LRRC53: variants seen among roughly 807,000 people sequenced by gnomAD.
The protein encoded by LRRC53 is leucine-rich repeat-containing protein 53.
A neutral mutation model predicts 13.6 loss-of-function variants in LRRC53; 25 were observed. The observed-to-expected ratio is 1.83, with a 90% CI of 1.34 to 2.56. LRRC53 has a LOEUF of 2.56. Among genes scored for constraint, LRRC53 ranks in the 30% most tolerant of loss-of-function variants. The pLI is 0.00. For missense variants in LRRC53, 527 were observed against 275.8 expected (o/e 1.91, Z -6.45); for synonymous variants, 204 against 109.8 (o/e 1.86, Z -5.37).
intron 1 of LRRC53, among the ~76,000 whole-genome samples, chr1:74,508,346 G>C (rs987453939): frequency 1.1e-4 from 17 of 152,144 alleles, no homozygotes; most frequent in Admixed American, 4.6e-4. Context: ...CCAGATAACA[G>C]GCTATGGTAC....
chr1:74,511,381 T>G (rs1453055646), intron 1 of LRRC53, among the ~76,000 whole-genome samples: 1 of 152,050 alleles, frequency 6.6e-6, no homozygotes, highest in Non-Finnish European at 1.5e-5. Context: ...TTAGTAGAGA[T>G]AGGGTTTTGC....
chr1:74,505,873 A>C (rs1258706160), intron 1 of LRRC53, among the ~76,000 whole-genome samples: 1 of 152,246 alleles, frequency 6.6e-6, no homozygotes, highest in Non-Finnish European at 1.5e-5. Context: ...AACATTTTTT[A>C]TTAATGTGCA....
At chr1:74,512,304 T>C (rs573896110) in intron 1 of LRRC53, among the ~76,000 whole-genome samples, 3 of 152,284 alleles carry the variant, frequency 2.0e-5, no homozygotes, top group African/African-American at 7.2e-5. Flanking sequence ...AGCTCCACCT[T>C]GAACCCAAGA....
chr1:74,523,512 TA>T, the LRRC53 span, among the ~76,000 whole-genome samples: 56,167 of 151,424 alleles, frequency 0.37, 11,111 homozygotes, highest in East Asian at 0.64. Context: ...GAGACTCACT[TA>T]AAAAAAAAGG....
chr1:74,502,194 T>A (rs1036829222), intron 1 of LRRC53, among the ~76,000 whole-genome samples: 2 of 152,176 alleles, frequency 1.3e-5, no homozygotes, highest in Admixed American at 6.5e-5. Context: ...TCTTTTATAT[T>A]CATACCCATA....
upstream of LRRC53, among the ~76,000 whole-genome samples, chr1:74,517,358 T>G (rs934808917): frequency 6.6e-6 from 1 of 152,206 alleles, no homozygotes; most frequent in African/African-American, 2.4e-5. Context: ...CCTAAGGAAC[T>G]TAATTAGTAT....
intron 4 of LRRC53, 140 bp from the exon 5 acceptor site, chr1:74,472,341 C>A (rs1462985948): frequency 1.7e-6 from 1 of 591,876 alleles, no homozygotes; most frequent in Non-Finnish European, 3.0e-6. Context: ...TAATTTGTAA[C>A]CAAACCTACA....
chr1:74,518,107 C>T, the LRRC53 span, among the ~76,000 whole-genome samples: 3 of 152,026 alleles, frequency 2.0e-5, no homozygotes, highest in Non-Finnish European at 2.9e-5. Flanking sequence ...GATGGTGGAC[C>T]AGGAGGTTCC....
the LRRC53 span, among the ~76,000 whole-genome samples, chr1:74,518,295 G>T: frequency 6.6e-6 from 1 of 152,126 alleles, no homozygotes; most frequent in African/African-American, 2.4e-5. Context: ...AAATTGAAAG[G>T]AGTTCTTCTT....
intron 1 of LRRC53, among the ~76,000 whole-genome samples, chr1:74,498,243 A>C (rs550662869): frequency 1.3e-5 from 2 of 152,264 alleles, no homozygotes; most frequent in Admixed American, 6.5e-5. Flanking sequence ...AGTTTTTTTA[A>C]CCTTGACATC....
chr1:74,534,155 A>G, the LRRC53 span, among the ~76,000 whole-genome samples: 16 of 152,316 alleles, frequency 1.1e-4, no homozygotes, highest in African/African-American at 2.4e-4. Flanking sequence ...TTATTATATC[A>G]TAGTAGAACG....
chr1:74,520,336 C>T, the LRRC53 span, among the ~76,000 whole-genome samples: 11 of 152,178 alleles, frequency 7.2e-5, no homozygotes, highest in African/African-American at 7.2e-5. Flanking sequence ...ACCTCGCTTC[C>T]GACTTTTCTG....
intron 1 of LRRC53, among the ~76,000 whole-genome samples, chr1:74,491,800 A>T (rs1669091335): frequency 6.6e-6 from 1 of 152,196 alleles, no homozygotes; most frequent in Non-Finnish European, 1.5e-5. Flanking sequence ...TTGATCATTG[A>T]ATAATAACCT....
intron 3 of LRRC53, among the ~76,000 whole-genome samples, chr1:74,476,825 G>A (rs1293149285): frequency 6.6e-6 from 1 of 152,082 alleles, no homozygotes. Flanking sequence ...CAATATTAAT[G>A]AAAACATATT....
intron 1 of LRRC53, among the ~76,000 whole-genome samples, chr1:74,500,993 T>G (rs190332093): frequency 1.3e-5 from 2 of 152,318 alleles, no homozygotes; most frequent in Admixed American, 1.3e-4. Flanking sequence ...TTTCCAGAAT[T>G]TGAAAATTGA....
intron 1 of LRRC53, among the ~76,000 whole-genome samples, chr1:74,508,040 T>C (rs1444515454): frequency 6.6e-6 from 1 of 152,220 alleles, no homozygotes; most frequent in Non-Finnish European, 1.5e-5. Context: ...GCAATGTGAT[T>C]GTATACAATG....
At chr1:74,527,077 T>C in the LRRC53 span, among the ~76,000 whole-genome samples, 1 of 152,190 alleles carries the variant, frequency 6.6e-6, no homozygotes, top group Non-Finnish European at 1.5e-5. Flanking sequence ...TTTGTTCAAG[T>C]CACGTAGCCC....
At chr1:74,504,510 C>G (rs533733522) in intron 1 of LRRC53, among the ~76,000 whole-genome samples, 4 of 151,920 alleles carry the variant, frequency 2.6e-5, no homozygotes, top group Non-Finnish European at 5.9e-5. Flanking sequence ...AACAGCCTTT[C>G]GCCATGAAAA....
intron 1 of LRRC53, among the ~76,000 whole-genome samples, chr1:74,506,573 A>G (rs1191617295): frequency 1.3e-5 from 2 of 152,202 alleles, no homozygotes; most frequent in Non-Finnish European, 2.9e-5. Flanking sequence ...TTTGAATTGG[A>G]TGCTTGCTAT....
Sources: gnomAD v4.1 joint callset for allele counts (sites outside exome capture counted in the v4.1 genomes callset) on GRCh38, gnomAD v4.1.1 for gene constraint, MANE v1.5 for transcripts, NCBI Gene and HGNC (gene_info 2026-07-23, HGNC 2026-07-21) for gene names.